FILIP1: variants seen among roughly 807,000 people sequenced by gnomAD.
FILIP1 encodes filamin-A-interacting protein 1.
Under a neutral mutation model 102.1 loss-of-function variants are expected in FILIP1, and 61 were observed. That is an observed-to-expected ratio of 0.60 (90% confidence interval 0.49 to 0.74). The LOEUF (loss-of-function observed/expected upper bound fraction) is 0.74, where lower values mean the gene tolerates loss of function less well. Ranked by LOEUF, FILIP1 falls within the 30% of genes least tolerant of loss-of-function variation. FILIP1 has a pLI of 0.00. For missense variants in FILIP1, 1,314 were observed against 1,441.2 expected (o/e 0.91, Z 1.43); for synonymous variants, 491 against 526.9 (o/e 0.93, Z 0.93).
intron 2 of FILIP1, among the ~76,000 whole-genome samples, chr6:75,370,569 CTT>C (rs61384517): frequency 2.2e-4 from 17 of 75,716 alleles, no homozygotes; most frequent in Non-Finnish European, 1.5e-4. Context: ...GGAGTCTCTT[CTT>C]TTTTTTTTTT....
chr6:75,319,349 G>C (rs1272066026), intron 4 of FILIP1: 3 of 636,960 alleles, frequency 4.7e-6, no homozygotes, highest in Non-Finnish European at 9.0e-6. Context: ...ACTCAGAGCA[G>C]AACATGAAAA....
chr6:75,458,881 T>A (rs893102935), intron 1 of FILIP1: 3 of 151,424 alleles, frequency 2.0e-5, no homozygotes, highest in African/African-American at 7.3e-5. Context: ...ATTGCTTAAA[T>A]AAAAACTACT....
intron 6 of FILIP1, among the ~76,000 whole-genome samples, chr6:75,299,571 T>C (rs1772779295): frequency 6.6e-6 from 1 of 152,198 alleles, no homozygotes; most frequent in Admixed American, 6.5e-5. Flanking sequence ...ACTGAGTTTT[T>C]ATATATTTTT....
chr6:75,382,152 T>C (rs1312757485), intron 2 of FILIP1, among the ~76,000 whole-genome samples: 1 of 152,190 alleles, frequency 6.6e-6, no homozygotes, highest in Non-Finnish European at 1.5e-5. Context: ...CCAACATTTT[T>C]TGAGCATTGT....
intron 1 of FILIP1, among the ~76,000 whole-genome samples, chr6:75,444,641 T>C (rs910354404): frequency 6.6e-6 from 1 of 152,214 alleles, no homozygotes; most frequent in Non-Finnish European, 1.5e-5. Context: ...CTCACCTAGC[T>C]CACTTCCTCA....
At chr6:75,490,755 G>A (rs1413322635) in intron 1 of FILIP1, among the ~76,000 whole-genome samples, 1 of 151,868 alleles carries the variant, frequency 6.6e-6, no homozygotes, top group Admixed American at 6.6e-5. Context: ...TTCCACAATT[G>A]GGTACATGAG....
intron 6 of FILIP1, among the ~76,000 whole-genome samples, chr6:75,296,240 T>C (rs755101288): frequency 1.9e-4 from 29 of 152,106 alleles, no homozygotes; most frequent in Admixed American, 1.1e-3. Context: ...AATTACTATA[T>C]ACAAACCCCT....
At chr6:75,409,316 G>C (rs999855455) in intron 2 of FILIP1, among the ~76,000 whole-genome samples, 2 of 152,066 alleles carry the variant, frequency 1.3e-5, no homozygotes, top group African/African-American at 4.8e-5. Flanking sequence ...AAGGAGGTGA[G>C]GTAGATAAGA....
At chr6:75,372,369 A>G (rs1327672602) in intron 2 of FILIP1, among the ~76,000 whole-genome samples, 2 of 133,810 alleles carry the variant, frequency 1.5e-5, no homozygotes, top group Admixed American at 1.5e-4. Context: ...CTCTGTCTCA[A>G]AAAAAAAAAA....
intron 2 of FILIP1, among the ~76,000 whole-genome samples, chr6:75,386,624 C>T (rs1776103667): frequency 6.6e-6 from 1 of 152,158 alleles, no homozygotes; most frequent in Non-Finnish European, 1.5e-5. Flanking sequence ...CACAGCAAAA[C>T]ATTTGAAGCA....
chr6:75,327,790 C>G (rs1448975576), intron 4 of FILIP1, among the ~76,000 whole-genome samples: 1 of 151,650 alleles, frequency 6.6e-6, no homozygotes, highest in African/African-American at 2.4e-5. Context: ...AAAGAGGTAA[C>G]TATAGAATAC....
At chr6:75,322,443 A>C (rs917668070) in intron 4 of FILIP1, among the ~76,000 whole-genome samples, 2 of 152,176 alleles carry the variant, frequency 1.3e-5, no homozygotes, top group African/African-American at 4.8e-5. Flanking sequence ...ATTAGCATGA[A>C]AAGGAAACAA....
Position 75,368,525 on chromosome 6 carries a change from T to A in FILIP1, c.277-5608A>T, listed in dbSNP as rs190857092. 1.2e-3 allele frequency among the ~76,000 whole-genome samples: 177 copies of A among 152,302 alleles called. 1 individual carries two copies. The Middle Eastern group carries it at 0.037, about 32-fold the overall frequency. ...AAACAATTGAGAGGTGTTTACAATA[T>A]GACATAGTAAGCCTTAGGTGGAGGA... On this transcript the variant is annotated intron_variant, in intron 2 of 5. Transcript: ENST00000237172.
chr6:75,470,439 T>C (rs1483245984), intron 1 of FILIP1, among the ~76,000 whole-genome samples: 2 of 152,200 alleles, frequency 1.3e-5, no homozygotes, highest in Non-Finnish European at 2.9e-5. Flanking sequence ...TTTTATTTTT[T>C]GCTCCACTAT....
At chr6:75,338,331 A>G (rs1461332558) in intron 4 of FILIP1, among the ~76,000 whole-genome samples, 1 of 152,232 alleles carries the variant, frequency 6.6e-6, no homozygotes, top group Non-Finnish European at 1.5e-5. Context: ...TGCATTGAAC[A>G]TGAAAGACCC....
At chr6:75,322,080 A>G (rs979049713) in intron 4 of FILIP1, among the ~76,000 whole-genome samples, 1 of 152,198 alleles carries the variant, frequency 6.6e-6, no homozygotes, top group Non-Finnish European at 1.5e-5. Flanking sequence ...TCGATTCAGC[A>G]TTCCACTTGC....
downstream of FILIP1, among the ~76,000 whole-genome samples, chr6:75,304,798 G>GA (rs569619533): frequency 6.6e-6 from 1 of 152,144 alleles, no homozygotes; most frequent in Non-Finnish European, 1.5e-5. Context: ...TTCTCCGGGG[G>GA]AAAAAACTGT....
chr6:75,396,042 C>T (rs1210590545), intron 2 of FILIP1, among the ~76,000 whole-genome samples: 1 of 150,408 alleles, frequency 6.6e-6, no homozygotes, highest in Non-Finnish European at 1.5e-5. Context: ...GGAACACATA[C>T]AATCTTAGTG....
chr6:75,446,374 T>C (rs537684590), intron 1 of FILIP1, among the ~76,000 whole-genome samples: 2 of 152,326 alleles, frequency 1.3e-5, no homozygotes, highest in South Asian at 2.1e-4. Context: ...ATTATAGTAA[T>C]TGAATGCTGT....
Sources: gnomAD v4.1 joint callset for allele counts (sites outside exome capture counted in the v4.1 genomes callset) on GRCh38, gnomAD v4.1.1 for gene constraint, MANE v1.5 for transcripts, NCBI Gene and HGNC (gene_info 2026-07-23, HGNC 2026-07-21) for gene names.